PPFIA2: variants seen among roughly 807,000 people sequenced by gnomAD.
PPFIA2 encodes liprin-alpha-2.
In PPFIA2, 46 loss-of-function variants were observed where a neutral mutation model predicts 175.5. That is an observed-to-expected ratio of 0.26 (90% CI 0.21 to 0.34). The LOEUF (loss-of-function observed/expected upper bound fraction) is 0.34. PPFIA2 is among the 10% of genes least tolerant of loss of function. The pLI, the probability that PPFIA2 is intolerant of heterozygous loss-of-function variation, is 1.00. For synonymous variants in PPFIA2, 568 were observed against 511.4 expected, an observed-to-expected ratio of 1.11 and a Z score of -1.49; for missense variants, 1,179 against 1,506.1, an observed-to-expected ratio of 0.78 and a Z score of 3.60.
intron 7 of PPFIA2, among the ~76,000 whole-genome samples, chr12:81,433,742 T>C (rs1489250009): frequency 6.6e-6 from 1 of 152,130 alleles, no homozygotes; most frequent in Non-Finnish European, 1.5e-5. Context: ...GACAAACATA[T>C]ATTGATCAAG....
chr12:81,522,842 A>G (rs78498454), intron 4 of PPFIA2, among the ~76,000 whole-genome samples: 2,446 of 152,260 alleles, frequency 0.016, 64 homozygotes, highest in African/African-American at 0.056. Flanking sequence ...CAGAGACAAT[A>G]TTGTGTATTG....
At chr12:81,580,720 T>G (rs1345401826) in intron 4 of PPFIA2, among the ~76,000 whole-genome samples, 2 of 151,746 alleles carry the variant, frequency 1.3e-5, no homozygotes, top group South Asian at 2.1e-4. Flanking sequence ...TACTTCATAT[T>G]CTATAGAAAC....
chr12:81,310,935 T>C (rs1405492223), intron 22 of PPFIA2, among the ~76,000 whole-genome samples: 1 of 152,168 alleles, frequency 6.6e-6, no homozygotes, highest in African/African-American at 2.4e-5. Context: ...ACAAAATATT[T>C]ATATAGCCAA....
Position 81,259,497 on chromosome 12 carries a change from C to T in PPFIA2, c.*197G>A, listed in dbSNP as rs2034647823. Reference sequence around the variant, plus strand: ...GCATTTTATTACAATTTGTAGTAAACTAATCAAATGTAATATCTGACTCCC... The same window carrying T: ...GCATTTTATTACAATTTGTAGTAAATTAATCAAATGTAATATCTGACTCCC... On this transcript the variant is annotated 3_prime_UTR_variant, in exon 33 of 33. Coordinates refer to ENST00000549396, the MANE Select transcript of PPFIA2 (RefSeq NM_003625.5). 5.3e-6 allele frequency: 4 copies of T among 758,732 alleles called. No individual in the cohort carries two copies. The highest frequency in any genetic ancestry group is 8.8e-6 in the Non-Finnish European group (4 of 455,946). The allele number at this position is 758,732 out of a possible 1,614,324, so 47.0% of individuals were successfully genotyped here.
At chr12:81,332,814 GC>G (rs1239276479) in intron 21 of PPFIA2, among the ~76,000 whole-genome samples, 11 of 152,274 alleles carry the variant, frequency 7.2e-5, no homozygotes, top group Admixed American at 2.0e-4. Context: ...TTACTAAGTA[GC>G]TGCTCTGTCT....
intron 31 of PPFIA2, among the ~76,000 whole-genome samples, chr12:81,262,746 C>T (rs1364814157): frequency 6.6e-6 from 1 of 152,078 alleles, no homozygotes; most frequent in Non-Finnish European, 1.5e-5. Context: ...TTCTCATGTT[C>T]ATGGCTTGTT....
At chr12:81,284,447 A>G (rs1339599296) in intron 24 of PPFIA2, 144 bp from the exon 25 acceptor site, 1 of 609,914 alleles carries the variant, frequency 1.6e-6, no homozygotes, top group African/African-American at 1.8e-5. Flanking sequence ...AAGAGACAGC[A>G]TGGCTGGTTT....
intron 22 of PPFIA2, chr12:81,312,472 G>A: frequency 2.8e-6 from 1 of 361,806 alleles, no homozygotes; most frequent in Non-Finnish European, 5.0e-6. Flanking sequence ...ATCCCAGGAG[G>A]AAATCAAGAA....
intron 4 of PPFIA2, among the ~76,000 whole-genome samples, chr12:81,568,384 C>A (rs1424457358): frequency 6.6e-6 from 1 of 152,162 alleles, no homozygotes; most frequent in Non-Finnish European, 1.5e-5. Flanking sequence ...AAACATTTGT[C>A]TGGGGTTAAT....
chr12:81,347,907 T>C, intron 17 of PPFIA2, 137 bp from the exon 18 acceptor site: 1 of 1,329,842 alleles, frequency 7.5e-7, no homozygotes, highest in Non-Finnish European at 9.8e-7. Flanking sequence ...TCTAATTTTT[T>C]CATCTTTTTT....
In PPFIA2 at chr12:81,384,165, T is replaced by C; in HGVS notation, c.842A>G (p.Asn281Ser). 1 of 1,611,894 alleles carries C rather than the reference T, an allele frequency of 6.2e-7. No homozygotes were observed. Among genetic ancestry groups the C allele is most frequent in the Non-Finnish European group, 8.5e-7 (1 of 1,178,722 alleles). ...VELQELLEKQNYEMAQMKERL... is the reference protein window; with the variant it reads ...VELQELLEKQSYEMAQMKERL... The stretch of plus-strand genomic sequence containing the variant: ...TTCTTTCATCTGGGCCATTTCATAG[T>C]TTTGCTTTTCAAGCAATTCTTGTAG... The change falls in exon 9 of 33, where the codon AAC (asparagine) becomes AGC (serine). Residue 281 changes from asparagine to serine, a missense_variant. By Grantham distance (46) the Asn-to-Ser change is conservative (BLOSUM62 1). This residue lies in a region of PPFIA2 where 226 missense variants were observed against 216.6 expected (regional missense o/e 1.04). Coordinates refer to ENST00000549396, the MANE Select transcript of PPFIA2 (RefSeq NM_003625.5).
At position 81,273,253 on chromosome 12, in the gene PPFIA2, C is replaced by T. The variant is rs574933327; in HGVS notation, c.3310+4064G>A. Among the ~76,000 whole-genome samples, 6 of 152,248 alleles carry T rather than the reference C, an allele frequency of 3.9e-5. No individual in the cohort carries two copies. In the South Asian group the frequency reaches 1.2e-3, roughly 32 times the overall value. On this transcript the variant is annotated intron_variant, in intron 28 of 32. Coordinates refer to ENST00000549396, the MANE Select transcript of PPFIA2 (RefSeq NM_003625.5). ...GTCAGTCTTACTTATTTTATTATTA[C>T]TATGTTTTACACATTCTTTGCTCCT... is the stretch of plus-strand genomic sequence containing the variant.
At position 81,654,816 on chromosome 12, in the gene PPFIA2, T is replaced by C. The variant is rs2067528821; in HGVS notation, c.303+21975A>G. 1.3e-5 allele frequency among the ~76,000 whole-genome samples: 2 copies of C among 152,086 alleles called. 1 individual carries two copies. The highest frequency in any genetic ancestry group is 1.3e-4 in the Admixed American group (2 of 15,258). Reference sequence around the variant, plus strand: ...CAATTTGTTACGCAGCAATAGAAAATGAATACACCTAATAAAACAACTTGG... The same window carrying C: ...CAATTTGTTACGCAGCAATAGAAAACGAATACACCTAATAAAACAACTTGG... On this transcript the variant is annotated intron_variant, in intron 4 of 32. Transcript: ENST00000549396.
chr12:81,371,147 G>A (rs1190520361), intron 11 of PPFIA2, among the ~76,000 whole-genome samples: 1 of 151,652 alleles, frequency 6.6e-6, no homozygotes, highest in Non-Finnish European at 1.5e-5. Flanking sequence ...TATAAATGTG[G>A]AAGATAATAA....
chr12:81,435,458 C>T (rs2048801642), intron 7 of PPFIA2, among the ~76,000 whole-genome samples: 1 of 151,882 alleles, frequency 6.6e-6, no homozygotes, highest in Non-Finnish European at 1.5e-5. Context: ...TCCTGGATGT[C>T]TGGGGAGAAT....
Position 81,451,815 on chromosome 12 carries a change from T to C in PPFIA2, c.405+5950A>G, listed in dbSNP as rs375236588. Among the ~76,000 whole-genome samples the C allele has an allele frequency of 2.0e-5, 3 of 152,286 alleles. 1 individual carries two copies. Among genetic ancestry groups the C allele is most frequent in the Middle Eastern group, 6.8e-3 (2 of 294 alleles). On this transcript the variant is annotated intron_variant, in intron 5 of 32. Coordinates refer to ENST00000549396, the MANE Select transcript of PPFIA2 (RefSeq NM_003625.5). ...CAAAAATGTTCTCATCTGGCATATA[T>C]ATATGGCCTAATTTAAGGTTAAAAA...
intron 4 of PPFIA2, among the ~76,000 whole-genome samples, chr12:81,517,822 C>A (rs2062647405): frequency 6.6e-6 from 1 of 151,930 alleles, no homozygotes; most frequent in Non-Finnish European, 1.5e-5. Context: ...CTATTCATTA[C>A]CACATACAAG....
intron 10 of PPFIA2, 156 bp downstream of exon 10, chr12:81,375,640 C>T (rs1403301605): frequency 4.1e-6 from 3 of 738,636 alleles, no homozygotes; most frequent in Non-Finnish European, 6.7e-6. Context: ...AAGTAAATTT[C>T]ACACTGAAAA....
At chr12:81,260,881 A>T (rs1216245733) in intron 32 of PPFIA2, 3 of 152,200 alleles carry the variant, frequency 2.0e-5, no homozygotes, top group Non-Finnish European at 4.4e-5. Context: ...TATTTTGGTA[A>T]AGCATAGTTT....
Sources: gnomAD v4.1 joint callset for allele counts (sites outside exome capture counted in the v4.1 genomes callset) on GRCh38, gnomAD v4.1.1 for gene constraint, gnomAD v4.1.1 regional missense constraint, MANE v1.5 for transcripts, NCBI Gene and HGNC (gene_info 2026-07-23, HGNC 2026-07-21) for gene names.